Variants in CDIN1 observed in about 807,000 individuals in gnomAD.
CDIN1 encodes the protein CDAN1 interacting nuclease 1, also known as CDAN1-interacting nuclease 1.
Under a neutral mutation model 45.3 loss-of-function variants are expected in CDIN1, and 33 were observed. The observed-to-expected ratio is 0.73, with a 90% CI of 0.55 to 0.97. The LOEUF is 0.97. CDIN1 is among the 50% of genes least tolerant of loss of function. CDIN1 has a pLI of 0.00. For missense variants in CDIN1, 303 were observed against 339.4 expected (o/e 0.89, Z 0.84); for synonymous variants, 118 against 124.4 (o/e 0.95, Z 0.34).
chr15:36,614,244 G>T, intron 1 of CDIN1: 1 of 614,464 alleles, frequency 1.6e-6, no homozygotes, highest in South Asian at 1.4e-5. Context: ...CTCTGACCCT[G>T]ACTCCACCTA....
At position 36,806,963 on chromosome 15, in the gene CDIN1, TA is replaced by T. The variant is rs572495646; in HGVS notation, c.717-1358del. Among the ~76,000 whole-genome samples the T allele has an allele frequency of 5.9e-5, 9 of 152,276 alleles. No individual in the cohort carries two copies. The East Asian group carries it at 1.2e-3, about 20-fold the overall frequency. On this transcript the variant is annotated intron_variant, in intron 10 of 10. Coordinates refer to ENST00000566621, the MANE Select transcript of CDIN1 (RefSeq NM_001321759.2). ...GGAAGAAGAGAACATCTGCAGCTGA[TA>T]AATCTCAGTGGGCCTGGTGCTCCAA...
chr15:36,789,449 C>T (rs946939172), intron 10 of CDIN1, among the ~76,000 whole-genome samples: 1 of 152,098 alleles, frequency 6.6e-6, no homozygotes, highest in East Asian at 1.9e-4. Context: ...AAATCTTCTG[C>T]GACCTTCCTA....
intron 10 of CDIN1, among the ~76,000 whole-genome samples, chr15:36,746,564 A>G (rs1345153340): frequency 2.0e-5 from 3 of 151,806 alleles, no homozygotes; most frequent in East Asian, 1.9e-4. Context: ...CTGGTGTGCT[A>G]TGTTCTCTGT....
intron 10 of CDIN1, among the ~76,000 whole-genome samples, chr15:36,797,324 T>C (rs959879167): frequency 5.3e-5 from 8 of 152,228 alleles, no homozygotes; most frequent in Non-Finnish European, 1.2e-4. Context: ...TTTTGATTGA[T>C]GTTTTTACAA....
In CDIN1 at chr15:36,619,632, GA is replaced by G. The variant is rs533822162; in HGVS notation, c.102-24635del. Among the ~76,000 whole-genome samples, 187 of 144,120 alleles carry G rather than the reference GA, an allele frequency of 1.3e-3. 1 individual carries two copies. The highest frequency in any genetic ancestry group is 3.8e-3 in the African/African-American group (150 of 39,402). The allele number at this position is 144,120 out of a possible 152,430, so 94.5% of individuals were successfully genotyped here. On this transcript the variant is annotated intron_variant, in intron 1 of 10. Coordinates refer to ENST00000566621, the MANE Select transcript of CDIN1 (RefSeq NM_001321759.2). ...TTGAGGGTTCAGTTTCAGCTTGGAG[GA>G]AAAAAAAAAACAACATTATACATCC...
intron 5 of CDIN1, among the ~76,000 whole-genome samples, chr15:36,672,795 T>TAA (rs145207767): frequency 5.5e-5 from 8 of 146,660 alleles, no homozygotes; most frequent in South Asian, 2.2e-4. Context: ...GTTACTTCTT[T>TAA]AAAAAAAAAA....
chr15:36,592,236 C>CGA lies in CDIN1; in HGVS notation c.101+12275_101+12276insGA, dbSNP rs1238826947. ...AGCCAGTGGATGCTGGTGCTCTTTC[C>CGA]AGCTTGTGAGAGCTGATGGTGAGCA... On this transcript the variant is annotated intron_variant, in intron 1 of 10. Transcript: ENST00000566621. Among the ~76,000 whole-genome samples the CGA allele has an allele frequency of 1.9e-4, 29 of 152,314 alleles. No homozygotes were observed. In the East Asian group the frequency reaches 5.4e-3, roughly 28 times the overall value.
chr15:36,736,191 C>T (rs1201839229), intron 10 of CDIN1, among the ~76,000 whole-genome samples: 1 of 152,140 alleles, frequency 6.6e-6, no homozygotes, highest in Non-Finnish European at 1.5e-5. Flanking sequence ...AAATCACCCC[C>T]ATTTCTCTCT....
At chr15:36,592,456 T>C (rs779880653) in intron 1 of CDIN1, among the ~76,000 whole-genome samples, 1 of 152,216 alleles carries the variant, frequency 6.6e-6, no homozygotes, top group African/African-American at 2.4e-5. Flanking sequence ...TCTGAGACTT[T>C]TGTACCTTAT....
chr15:36,809,133 G>A lies in CDIN1; in HGVS notation c.*680G>A. 3.1e-6 allele frequency: 1 copy of A among 326,034 alleles called. No homozygotes were observed. 20.2% of individuals were successfully genotyped at this position (326,034 alleles called of 1,614,324 possible). A position where few individuals can be genotyped will look rare whatever the true frequency, so the allele number is the denominator to read the frequency against. On this transcript the variant is annotated 3_prime_UTR_variant, in exon 11 of 11. Coordinates refer to ENST00000566621, the MANE Select transcript of CDIN1 (RefSeq NM_001321759.2). Reference sequence around the variant, plus strand: ...GATGAGAATTTCCTCTTTTAATAATGTTATTTGAACACCACATATTTTAGA... The same window carrying A: ...GATGAGAATTTCCTCTTTTAATAATATTATTTGAACACCACATATTTTAGA...
chr15:36,671,414 C>T (rs1177282547), intron 5 of CDIN1, among the ~76,000 whole-genome samples: 1 of 151,972 alleles, frequency 6.6e-6, no homozygotes, highest in Non-Finnish European at 1.5e-5. Context: ...GAAAAAAGGG[C>T]AGATTTTTTT....
chr15:36,595,309 A>AATATAATATAAT (rs2037764017), intron 1 of CDIN1, among the ~76,000 whole-genome samples: 1 of 146,990 alleles, frequency 6.8e-6, no homozygotes, highest in Admixed American at 6.8e-5. Context: ...AATATAATAT[A>AATATAATATAAT]ATATAATATA....
intron 10 of CDIN1, among the ~76,000 whole-genome samples, chr15:36,757,418 A>G (rs147015194): frequency 7.2e-5 from 11 of 152,282 alleles, no homozygotes; most frequent in African/African-American, 2.4e-4. Flanking sequence ...CTCGCTTGCT[A>G]TCAATCCGAT....
At chr15:36,652,376 G>T (rs1434540912) in intron 3 of CDIN1, among the ~76,000 whole-genome samples, 1 of 152,026 alleles carries the variant, frequency 6.6e-6, no homozygotes, top group African/African-American at 2.4e-5. Context: ...CCCAATATTG[G>T]TATAGGCTTA....
chr15:36,635,116 C>T (rs1448609341), intron 1 of CDIN1, among the ~76,000 whole-genome samples: 1 of 152,208 alleles, frequency 6.6e-6, no homozygotes, highest in East Asian at 1.9e-4. Flanking sequence ...CAGGGGGCCT[C>T]TAACAGACTA....
At chr15:36,785,080 G>C (rs1275559271) in intron 10 of CDIN1, among the ~76,000 whole-genome samples, 2 of 152,160 alleles carry the variant, frequency 1.3e-5, no homozygotes, top group Non-Finnish European at 1.5e-5. Flanking sequence ...TACACGTACA[G>C]AGTCACCAAA....
intron 10 of CDIN1, among the ~76,000 whole-genome samples, chr15:36,796,417 C>T (rs895578130): frequency 2.6e-5 from 4 of 152,182 alleles, no homozygotes; most frequent in African/African-American, 4.8e-5. Context: ...GCCTTACTCT[C>T]GTTGTGCTTA....
At chr15:36,705,591 C>G (rs1194777272) in intron 8 of CDIN1, 1 of 152,066 alleles carries the variant, frequency 6.6e-6, no homozygotes, top group Admixed American at 6.6e-5. Flanking sequence ...CTAGTAATCT[C>G]TACAATTTTG....
chr15:36,653,189 A>G (rs954291371), intron 3 of CDIN1, among the ~76,000 whole-genome samples: 3 of 152,280 alleles, frequency 2.0e-5, no homozygotes, highest in Non-Finnish European at 2.9e-5. Flanking sequence ...AAAGATGTAC[A>G]GGGTATTCCT....
Sources: gnomAD v4.1 joint callset for allele counts (sites outside exome capture counted in the v4.1 genomes callset) on GRCh38, gnomAD v4.1.1 for gene constraint, MANE v1.5 for transcripts, NCBI Gene and HGNC (gene_info 2026-07-23, HGNC 2026-07-21) for gene names.